PPM1A: variants seen among roughly 807,000 people sequenced by gnomAD.
PPM1A encodes the protein protein phosphatase, Mg2+/Mn2+ dependent 1A.
Under a neutral mutation model 35.0 loss-of-function variants are expected in PPM1A, and 7 were observed. The observed-to-expected ratio is 0.20, with a 90% CI of 0.11 to 0.38. The LOEUF (loss-of-function observed/expected upper bound fraction) is 0.38. PPM1A is among the 10% of genes least tolerant of loss of function. PPM1A has a pLI of 1.00. For synonymous variants in PPM1A, 153 were observed against 167.3 expected (o/e 0.91, Z 0.66); for missense variants, 239 against 467.8 (o/e 0.51, Z 4.51).
rs1201939924 is a variant in PPM1A, at chr14:60,282,608, C to T, written c.-20-76C>T. Reference sequence around the variant, plus strand: ...TGTGAATTCCCGCATATCTCTTTCACTTATTAAAAAGATTGTTTGGTACAT... The same window carrying T: ...TGTGAATTCCCGCATATCTCTTTCATTTATTAAAAAGATTGTTTGGTACAT... On this transcript the variant is annotated intron_variant, in intron 1 of 5. Transcript: ENST00000395076. This position sits in a 1 kb window ranked among gnomAD's most constrained non-coding sequence, Gnocchi z 5.1. 6.6e-7 allele frequency: 1 copy of T among 1,512,240 alleles called. No homozygotes were observed. Among genetic ancestry groups the T allele is most frequent in the South Asian group, 1.3e-5 (1 of 76,630 alleles). The allele number at this position is 1,512,240 out of a possible 1,614,324, so 93.7% of individuals were successfully genotyped here.
intron 1 of PPM1A, chr14:60,276,986 G>T (rs752164616): frequency 9.5e-5 from 99 of 1,042,644 alleles, no homozygotes; most frequent in Non-Finnish European, 1.2e-4. Flanking sequence ...TATTAATTCA[G>T]TCTTGTTTTT....
In PPM1A at chr14:60,283,672, G is replaced by T; in HGVS notation, c.834+135G>T. On this transcript the variant is annotated intron_variant, in intron 2 of 5. Transcript: ENST00000395076. This position sits in a 1 kb window ranked among gnomAD's most constrained non-coding sequence, Gnocchi z 6.3. ...CTGTAGGATACTGTTCACCAATTAT[G>T]AAAATATATCATAGGACCACTATGT... 1.2e-6 allele frequency: 1 copy of T among 822,286 alleles called. No homozygotes were observed. The allele number at this position is 822,286 out of a possible 1,614,324, so 50.9% of individuals were successfully genotyped here.
At chr14:60,257,135 C>T (rs1883227054) in intron 1 of PPM1A, among the ~76,000 whole-genome samples, 1 of 152,064 alleles carries the variant, frequency 6.6e-6, no homozygotes. Flanking sequence ...TTTCTTATGG[C>T]TTAAAATTTT....
Position 60,283,537 on chromosome 14 carries a change from G to T in PPM1A, c.834G>T (p.Lys278Asn). ...AAGTAGTCGACACCTGTTTGTATAAGGTAGCTAGACTTTTTTTAAAAACAT... is the reference window on the plus strand; with the variant it reads ...AAGTAGTCGACACCTGTTTGTATAATGTAGCTAGACTTTTTTTAAAAACAT... ...CNEVVDTCLY[K>N]GSRDNMSVIL... is the part of the protein sequence containing the mutation. Residue 278 changes from lysine (K) to asparagine (N), a missense_variant and splice_region_variant, in exon 2 of 6, where the codon AAG becomes AAT. Physicochemically the swap from Lys to Asn is moderately conservative, Grantham distance 94. Transcript: ENST00000395076. The surrounding 1 kb of genome is among the most constrained non-coding windows in gnomAD (Gnocchi z 6.3). 2 of 1,599,484 alleles carry T rather than the reference G, an allele frequency of 1.3e-6. No homozygotes were observed. The highest frequency in any genetic ancestry group is 2.3e-5 in the South Asian group (2 of 88,368).
chr14:60,291,522 G>GT (rs1887633247), intron 5 of PPM1A, 68 bp downstream of exon 5: 9 of 1,313,608 alleles, frequency 6.9e-6, no homozygotes, highest in Non-Finnish European at 7.4e-6. Context: ...CTTCCTACCT[G>GT]TTTTTGCAGA....
intron 3 of PPM1A, chr14:60,285,958 A>G (rs963684371): frequency 1.6e-6 from 2 of 1,235,852 alleles, no homozygotes; most frequent in Non-Finnish European, 2.0e-6. Flanking sequence ...AAAGTAACCC[A>G]CATTCTGTTC....
intron 1 of PPM1A, among the ~76,000 whole-genome samples, chr14:60,266,918 A>T (rs1174683451): frequency 6.6e-6 from 1 of 152,200 alleles, no homozygotes; most frequent in Non-Finnish European, 1.5e-5. Context: ...TCCAAGAAAA[A>T]GAAGTGTGTG....
In PPM1A at chr14:60,295,800, G is replaced by A. The variant is rs1355261210; in HGVS notation, c.*3318G>A. 6.6e-6 allele frequency: 1 copy of A among 151,464 alleles called. No individual in the cohort carries two copies. Among genetic ancestry groups the A allele is most frequent in the Non-Finnish European group, 1.5e-5 (1 of 67,618 alleles). The allele number at this position is 151,464 out of a possible 1,614,324, so 9.4% of individuals were successfully genotyped here. On this transcript the variant is annotated 3_prime_UTR_variant, in exon 6 of 6. Coordinates refer to ENST00000395076, the MANE Select transcript of PPM1A (RefSeq NM_021003.5). ...CTATTGCCCACCTGCTATCTACCAG[G>A]TACTTAGCTGATCAAGGCAGGCCCC... is the stretch of plus-strand genomic sequence containing the variant.
Position 60,283,446 on chromosome 14 carries a change from AAG to A in PPM1A, c.746_747del (p.Glu249AlafsTer3). ...GGTATCTGGGATGTTATGGGAAATG[AAG>A]AGCTCTGTGATTTTGTAAGATCCAG... On this transcript the variant is annotated frameshift_variant, in exon 2 of 6. Coordinates refer to ENST00000395076, the MANE Select transcript of PPM1A (RefSeq NM_021003.5). LOFTEE classifies it high-confidence loss of function. The surrounding 1 kb of genome is among the most constrained non-coding windows in gnomAD (Gnocchi z 6.3). 1 of 1,614,174 alleles carries A rather than the reference AAG, an allele frequency of 6.2e-7. No homozygotes were observed.
intron 1 of PPM1A, among the ~76,000 whole-genome samples, chr14:60,258,782 G>A (rs1365113124): frequency 6.6e-6 from 1 of 152,068 alleles, no homozygotes; most frequent in East Asian, 1.9e-4. Context: ...TATAATGGCT[G>A]TTATTCATCT....
chr14:60,266,784 A>C (rs1272297564), intron 1 of PPM1A, among the ~76,000 whole-genome samples: 1 of 152,126 alleles, frequency 6.6e-6, no homozygotes, highest in Non-Finnish European at 1.5e-5. Context: ...ATTCACATTT[A>C]TTCATATATA....
intron 3 of PPM1A, chr14:60,286,072 C>CT: frequency 8.0e-6 from 8 of 1,003,636 alleles, no homozygotes; most frequent in Non-Finnish European, 9.5e-6. Context: ...GATTTGTGGT[C>CT]TATTTAATTA....
chr14:60,282,568 C>A lies in PPM1A; in HGVS notation c.-20-116C>A, dbSNP rs1886533475. 1 of 1,289,056 alleles carries A rather than the reference C, an allele frequency of 7.8e-7. No homozygotes were observed. The highest frequency in any genetic ancestry group is 1.5e-5 in the African/African-American group (1 of 66,962). The allele number at this position is 1,289,056 out of a possible 1,614,324, so 79.9% of individuals were successfully genotyped here. A position where few individuals can be genotyped will look rare whatever the true frequency, so the allele number is the denominator to read the frequency against. On this transcript the variant is annotated intron_variant, in intron 1 of 5. Coordinates refer to ENST00000395076, the MANE Select transcript of PPM1A (RefSeq NM_021003.5). This position sits in a 1 kb window ranked among gnomAD's most constrained non-coding sequence, Gnocchi z 5.1. Reference sequence around the variant, plus strand: ...TCCAAGTCAGCAACACAATGAATGTCTGCTTATCGCGAGTTGTGAATTCCC... The same window carrying A: ...TCCAAGTCAGCAACACAATGAATGTATGCTTATCGCGAGTTGTGAATTCCC...
At chr14:60,285,384 A>G (rs1478930172) in intron 2 of PPM1A, among the ~76,000 whole-genome samples, 1 of 152,226 alleles carries the variant, frequency 6.6e-6, no homozygotes, top group Non-Finnish European at 1.5e-5. Context: ...ATTAACCTGT[A>G]ATGTTTCTCT....
In PPM1A at chr14:60,295,408, C is replaced by G. The variant is rs145457621; in HGVS notation, c.*2926C>G. 89 of 151,774 alleles carry G rather than the reference C, an allele frequency of 5.9e-4. No homozygotes were observed. Among genetic ancestry groups the G allele is most frequent in the African/African-American group, 2.1e-3 (88 of 41,478 alleles). The allele number at this position is 151,774 out of a possible 1,614,324, so 9.4% of individuals were successfully genotyped here. On this transcript the variant is annotated 3_prime_UTR_variant, in exon 6 of 6. Coordinates refer to ENST00000395076, the MANE Select transcript of PPM1A (RefSeq NM_021003.5). ...TGGAAGTATCTCAAACATATTTTTA[C>G]TTTATAGTGCATTAACTTGCTTCTA...
At chr14:60,280,919 T>G (rs1886335576) in intron 1 of PPM1A, among the ~76,000 whole-genome samples, 1 of 152,194 alleles carries the variant, frequency 6.6e-6, no homozygotes, top group African/African-American at 2.4e-5. Context: ...TAATGATGCT[T>G]TAGAGTCACG....
intron 1 of PPM1A, chr14:60,268,155 C>A: frequency 3.7e-6 from 1 of 266,934 alleles, no homozygotes; most frequent in Non-Finnish European, 5.8e-6. Flanking sequence ...AGTCCATAAT[C>A]ACATATTACA....
In PPM1A at chr14:60,291,346, G is replaced by C. The variant is rs895600238; in HGVS notation, c.1062-51G>C. ...TAAACACCTGGCTATGAGTTACTAA[G>C]CAATGTTTTGCTTTCTGAAGAATTA... On this transcript the variant is annotated intron_variant, in intron 4 of 5. Transcript: ENST00000395076. 2.3e-6 allele frequency: 3 copies of C among 1,300,950 alleles called. No homozygotes were observed. The African/African-American group carries it at 4.5e-5, about 20-fold the overall frequency. The allele number at this position is 1,300,950 out of a possible 1,614,324, so 80.6% of individuals were successfully genotyped here.
At chr14:60,249,167 G>A (rs563029974), upstream of PPM1A, 5 of 930,450 alleles carry the variant, frequency 5.4e-6, no homozygotes, top group Non-Finnish European at 5.1e-6. This position sits in a 1 kb window ranked among gnomAD's most constrained non-coding sequence, Gnocchi z 4.5. Context: ...GGGGCGAGCG[G>A]AGGGGTGGGG....
Sources: allele counts gnomAD v4.1 joint callset (sites outside exome capture counted in the v4.1 genomes callset), GRCh38; gene constraint gnomAD v4.1.1; non-coding constraint Gnocchi (gnomAD v3.1); transcripts MANE v1.5; gene names NCBI Gene and HGNC (gene_info 2026-07-23, HGNC 2026-07-21).